The following IPO11 variants were observed in gnomAD, a reference collection of about 807,000 sequenced individuals.
The protein encoded by IPO11 is importin 11, also known as importin-11.
A neutral mutation model predicts 143.2 loss-of-function variants in IPO11; 66 were observed. That is an observed-to-expected ratio of 0.46 (90% CI 0.38 to 0.57). The LOEUF is 0.57. Among genes scored for constraint, IPO11 ranks in the 20% least tolerant of loss-of-function variants. The pLI is 0.00. For synonymous variants in IPO11, 385 were observed against 377.8 expected, an observed-to-expected ratio of 1.02 and a Z score of -0.22; for missense variants, 1,026 against 1,141.0, an observed-to-expected ratio of 0.90 and a Z score of 1.45.
chr5:62,588,907 T>TC (rs1264985825), intron 27 of IPO11, among the ~76,000 whole-genome samples: 1 of 152,312 alleles, frequency 6.6e-6, no homozygotes, highest in East Asian at 1.9e-4. Flanking sequence ...ACCACTTGGC[T>TC]CCAACTGCTT....
chr5:62,591,028 C>T (rs1175857584), intron 27 of IPO11, among the ~76,000 whole-genome samples: 1 of 152,134 alleles, frequency 6.6e-6, no homozygotes, highest in East Asian at 1.9e-4. Flanking sequence ...GAACTCCTGG[C>T]CTCAAGAGAT....
At chr5:62,438,477 G>C (rs1424293354) in intron 2 of IPO11, among the ~76,000 whole-genome samples, 1 of 152,218 alleles carries the variant, frequency 6.6e-6, no homozygotes, top group Non-Finnish European at 1.5e-5. Context: ...GTAGGGCCGG[G>C]TGCAGTGGCT....
intron 22 of IPO11, among the ~76,000 whole-genome samples, chr5:62,534,061 G>T (rs1742651260): frequency 6.6e-6 from 1 of 152,056 alleles, no homozygotes; most frequent in Non-Finnish European, 1.5e-5. Flanking sequence ...TTTTTAGGAT[G>T]CGTTAATTAA....
intron 5 of IPO11, among the ~76,000 whole-genome samples, chr5:62,453,910 G>A (rs1292308809): frequency 3.9e-5 from 6 of 152,036 alleles, no homozygotes; most frequent in African/African-American, 1.5e-4. Context: ...TGAGGCGAGT[G>A]GATCATGAGG....
At chr5:62,484,660 CAT>C (rs1329016871) in intron 11 of IPO11, among the ~76,000 whole-genome samples, 30 of 149,204 alleles carry the variant, frequency 2.0e-4, no homozygotes, top group African/African-American at 6.2e-4. Context: ...ATCAAGGAAT[CAT>C]GTGTCTAATA....
At chr5:62,435,214 A>ATATATATGTATATATATG (rs1554047245) in intron 1 of IPO11, among the ~76,000 whole-genome samples, 4 of 122,004 alleles carry the variant, frequency 3.3e-5, no homozygotes, top group East Asian at 4.9e-4. Flanking sequence ...ATATATGTGT[A>ATATATATGTATATATATG]TATATATATA....
intron 27 of IPO11, chr5:62,580,891 C>G: frequency 1.9e-6 from 3 of 1,551,332 alleles, no homozygotes; most frequent in Non-Finnish European, 2.6e-6. Context: ...GTTACCTGTG[C>G]AAATACAACT....
chr5:62,578,687 T>A, intron 27 of IPO11: 1 of 468,158 alleles, frequency 2.1e-6, no homozygotes. Flanking sequence ...CAGATAAAAT[T>A]ACTTCCTGTC....
chr5:62,537,281 G>T lies in IPO11; in HGVS notation c.2242G>T (p.Val748Leu). 3 of 1,581,214 alleles carry T rather than the reference G, an allele frequency of 1.9e-6. No homozygotes were observed. The highest frequency in any genetic ancestry group is 2.6e-6 in the Non-Finnish European group (3 of 1,151,522). Residue 748 changes from valine to leucine, a missense_variant, in exon 24 of 30, where the codon GTG becomes TTG. By Grantham distance (32) the Val-to-Leu change is conservative. This residue lies in a region of IPO11 where 351 missense variants were observed against 358.9 expected (regional missense o/e 0.98). Coordinates refer to ENST00000325324, the MANE Select transcript of IPO11 (RefSeq NM_016338.5). ...KEITTEGQVQ[V>L]LKVVENALKV... is the part of the protein sequence containing the mutation. ...AATTACTACAGAAGGTCAAGTTCAG[G>T]TGCTCAAGGTATTGTGATCATTTTA...
chr5:62,559,836 A>C (rs1270472801), intron 26 of IPO11, among the ~76,000 whole-genome samples: 1 of 145,410 alleles, frequency 6.9e-6, no homozygotes, highest in African/African-American at 2.6e-5. Context: ...GAATTGCTTG[A>C]ATCTGGGAGG....
chr5:62,443,617 A>G (rs985676202), intron 3 of IPO11, among the ~76,000 whole-genome samples: 14 of 151,494 alleles, frequency 9.2e-5, no homozygotes, highest in African/African-American at 3.4e-4. Flanking sequence ...AAAGAGAAAT[A>G]TAAGGTTAGG....
At chr5:62,486,152 T>C (rs1004328073) in intron 12 of IPO11, among the ~76,000 whole-genome samples, 3 of 151,900 alleles carry the variant, frequency 2.0e-5, no homozygotes, top group Non-Finnish European at 2.9e-5. Flanking sequence ...AGCTAATTTT[T>C]TGTTTATTTA....
chr5:62,496,285 CAAAAAAA>C (rs35374263), intron 16 of IPO11, among the ~76,000 whole-genome samples: 1 of 105,230 alleles, frequency 9.5e-6, no homozygotes, highest in East Asian at 2.7e-4. Context: ...GACTGTGTCT[CAAAAAAA>C]AAAAGAAAAA....
intron 5 of IPO11, among the ~76,000 whole-genome samples, chr5:62,455,769 T>G (rs868694195): frequency 1.6e-4 from 24 of 151,224 alleles, no homozygotes; most frequent in African/African-American, 4.7e-4. Context: ...TTTTTTTTTT[T>G]TGAGAGAGAG....
intron 29 of IPO11, among the ~76,000 whole-genome samples, chr5:62,617,971 C>G (rs1023467659): frequency 2.0e-5 from 3 of 151,986 alleles, no homozygotes; most frequent in Non-Finnish European, 4.4e-5. Flanking sequence ...TTAAGATGAT[C>G]TAGTGGGTGT....
intron 27 of IPO11, among the ~76,000 whole-genome samples, chr5:62,570,300 C>T (rs1204398686): frequency 6.6e-6 from 1 of 151,988 alleles, no homozygotes; most frequent in Non-Finnish European, 1.5e-5. Flanking sequence ...CAGATATTCC[C>T]CTCTCCACTC....
intron 27 of IPO11, among the ~76,000 whole-genome samples, chr5:62,577,731 TAGAA>T (rs1561370282): frequency 2.0e-5 from 3 of 151,898 alleles, no homozygotes; most frequent in African/African-American, 4.8e-5. Flanking sequence ...TTTTTAGTCA[TAGAA>T]AGATAATGCT....
chr5:62,478,977 T>C (rs1486538519), intron 9 of IPO11, among the ~76,000 whole-genome samples: 1 of 152,234 alleles, frequency 6.6e-6, no homozygotes, highest in Non-Finnish European at 1.5e-5. Context: ...AGGGTACATG[T>C]GCACAATGTG....
chr5:62,496,267 G>A (rs994569140), intron 16 of IPO11, among the ~76,000 whole-genome samples: 3 of 149,040 alleles, frequency 2.0e-5, no homozygotes, highest in South Asian at 2.1e-4. Flanking sequence ...CAGCCTGAGC[G>A]ACAGAGAGAC....
Sources: gnomAD v4.1 joint callset for allele counts (sites outside exome capture counted in the v4.1 genomes callset) on GRCh38, gnomAD v4.1.1 for gene constraint, gnomAD v4.1.1 regional missense constraint, MANE v1.5 for transcripts, NCBI Gene and HGNC (gene_info 2026-07-23, HGNC 2026-07-21) for gene names.